Variants in LMX1A observed in about 807,000 individuals in gnomAD.
LMX1A encodes LIM homeobox transcription factor 1-alpha.
In LMX1A, 15 loss-of-function variants were observed where a neutral mutation model predicts 49.1. The ratio of observed to expected loss-of-function variants is 0.31; its 90% confidence interval spans 0.20 to 0.47. The LOEUF (loss-of-function observed/expected upper bound fraction) is 0.47, where lower values mean the gene tolerates loss of function less well. Among genes scored for constraint, LMX1A ranks in the 20% least tolerant of loss-of-function variants. The pLI, the probability that LMX1A is intolerant of heterozygous loss-of-function variation, is 1.00. For synonymous variants in LMX1A, 167 were observed against 185.7 expected (o/e 0.90, Z 0.82); for missense variants, 372 against 475.8 (o/e 0.78, Z 2.03).
intron 3 of LMX1A, among the ~76,000 whole-genome samples, chr1:165,316,704 C>G (rs1022168470): frequency 6.6e-6 from 1 of 152,190 alleles, no homozygotes; most frequent in African/African-American, 2.4e-5. Flanking sequence ...TTCCCAGGGG[C>G]ATCCGAGTTA....
intron 3 of LMX1A, among the ~76,000 whole-genome samples, chr1:165,334,069 G>A (rs1655829204): frequency 6.6e-6 from 1 of 152,086 alleles, no homozygotes; most frequent in Non-Finnish European, 1.5e-5. Context: ...ATAGGTGAAG[G>A]GTAGCCTAAT....
At chr1:165,215,139 G>A (rs914601953) in intron 4 of LMX1A, among the ~76,000 whole-genome samples, 9 of 152,024 alleles carry the variant, frequency 5.9e-5, no homozygotes, top group African/African-American at 1.9e-4. Flanking sequence ...GCAAAGCTCC[G>A]TCTCTACTAA....
chr1:165,216,389 C>G (rs915181720), intron 4 of LMX1A, among the ~76,000 whole-genome samples: 2 of 152,176 alleles, frequency 1.3e-5, no homozygotes, highest in African/African-American at 4.8e-5. Flanking sequence ...GCCAGCAATT[C>G]TCTCTGGTGG....
chr1:165,257,755 G>C (rs1479286729), intron 3 of LMX1A, among the ~76,000 whole-genome samples: 1 of 152,192 alleles, frequency 6.6e-6, no homozygotes, highest in Non-Finnish European at 1.5e-5. Context: ...CCCAGAGAGA[G>C]GCTAAGATCT....
chr1:165,244,617 G>A (rs1359887933), intron 4 of LMX1A, among the ~76,000 whole-genome samples: 2 of 152,108 alleles, frequency 1.3e-5, no homozygotes. Flanking sequence ...GCAGAGAGGA[G>A]AAAAAGCAAT....
At chr1:165,214,984 T>C (rs933471706) in intron 4 of LMX1A, among the ~76,000 whole-genome samples, 2 of 152,214 alleles carry the variant, frequency 1.3e-5, no homozygotes, top group Admixed American at 6.5e-5. Flanking sequence ...GTCTGGGGCA[T>C]ACCTGTGTAA....
intron 4 of LMX1A, among the ~76,000 whole-genome samples, chr1:165,229,430 T>C (rs1186731996): frequency 6.6e-6 from 1 of 152,202 alleles, no homozygotes; most frequent in Non-Finnish European, 1.5e-5. Context: ...TTCCCAACTA[T>C]CTCTTTGGCC....
chr1:165,325,020 C>G (rs954068465), intron 3 of LMX1A, among the ~76,000 whole-genome samples: 1 of 152,178 alleles, frequency 6.6e-6, no homozygotes, highest in Non-Finnish European at 1.5e-5. Flanking sequence ...AAATGTCTCT[C>G]CAGGGAGCCC....
In LMX1A at chr1:165,267,681, C is replaced by A. The variant is rs559811387; in HGVS notation, c.264-18041G>T. Among the ~76,000 whole-genome samples the A allele has an allele frequency of 4.6e-5, 7 of 152,146 alleles. No homozygotes were observed. The South Asian group carries it at 1.5e-3, about 32-fold the overall frequency. On this transcript the variant is annotated intron_variant, in intron 3 of 8. Transcript: ENST00000342310. ...GATGACAGAGACTGAGAGGAAGAAA[C>A]CAGGAAGAAAACAGGAAAGTGAAGT... is the stretch of plus-strand genomic sequence containing the variant.
At chr1:165,312,707 C>T (rs1655110428) in intron 3 of LMX1A, among the ~76,000 whole-genome samples, 1 of 152,198 alleles carries the variant, frequency 6.6e-6, no homozygotes, top group Non-Finnish European at 1.5e-5. Context: ...ACTTAATGGC[C>T]CCATGTGTGA....
chr1:165,309,167 C>T (rs963125145), intron 3 of LMX1A, among the ~76,000 whole-genome samples: 4 of 152,042 alleles, frequency 2.6e-5, no homozygotes, highest in African/African-American at 9.7e-5. Flanking sequence ...GTGAATGATG[C>T]TGAGGGCTCG....
At chr1:165,283,878 A>C (rs1436362343) in intron 3 of LMX1A, among the ~76,000 whole-genome samples, 1 of 152,216 alleles carries the variant, frequency 6.6e-6, no homozygotes, top group Non-Finnish European at 1.5e-5. Flanking sequence ...TATGCCATGT[A>C]TCACAAGCCT....
chr1:165,298,019 C>A (rs928504139), intron 3 of LMX1A, among the ~76,000 whole-genome samples: 3 of 152,204 alleles, frequency 2.0e-5, no homozygotes, highest in African/African-American at 7.2e-5. Flanking sequence ...AGACATGTGG[C>A]ATAAAGACAA....
At chr1:165,317,385 C>T (rs991957063) in intron 3 of LMX1A, among the ~76,000 whole-genome samples, 2 of 152,164 alleles carry the variant, frequency 1.3e-5, no homozygotes, top group African/African-American at 4.8e-5. Context: ...TCTAGATTTA[C>T]CCTTCTCTTT....
At chr1:165,300,397 A>C (rs1654745701) in intron 3 of LMX1A, among the ~76,000 whole-genome samples, 1 of 152,176 alleles carries the variant, frequency 6.6e-6, no homozygotes, top group African/African-American at 2.4e-5. Flanking sequence ...GACTCACAAG[A>C]AAATGCCTAA....
At chr1:165,302,304 T>C (rs1654806781) in intron 3 of LMX1A, among the ~76,000 whole-genome samples, 1 of 151,294 alleles carries the variant, frequency 6.6e-6, no homozygotes, top group Non-Finnish European at 1.5e-5. Context: ...ATTAGCCGGG[T>C]GTTGTGGTGC....
chr1:165,355,416 G>A lies in LMX1A; in HGVS notation c.76+68C>T. 4 of 1,497,106 alleles carry A rather than the reference G, an allele frequency of 2.7e-6. No homozygotes were observed. Among genetic ancestry groups the A allele is most frequent in the Non-Finnish European group, 3.7e-6 (4 of 1,080,574 alleles). 92.7% of individuals were successfully genotyped at this position (1,497,106 alleles called of 1,614,324 possible). On this transcript the variant is annotated intron_variant, in intron 2 of 8. Coordinates refer to ENST00000342310, the MANE Select transcript of LMX1A (RefSeq NM_177398.4). The surrounding 1 kb of genome is among the most constrained non-coding windows in gnomAD (Gnocchi z 4.7). ...CCTATCGCGGACCAGGTCCCAGAGA[G>A]CGGGGCTCCAGAGCTCAGCGCCAAG...
At chr1:165,290,014 G>C (rs1320428197) in intron 3 of LMX1A, among the ~76,000 whole-genome samples, 1 of 152,182 alleles carries the variant, frequency 6.6e-6, no homozygotes, top group Non-Finnish European at 1.5e-5. Flanking sequence ...AGGAAACTGA[G>C]GTAGGTGACA....
chr1:165,280,149 G>T (rs1654103726), intron 3 of LMX1A, among the ~76,000 whole-genome samples: 2 of 152,158 alleles, frequency 1.3e-5, no homozygotes, highest in Non-Finnish European at 2.9e-5. Flanking sequence ...TTCGTAAAAT[G>T]TATTCTCAGC....
Sources: allele counts gnomAD v4.1 joint callset (sites outside exome capture counted in the v4.1 genomes callset), GRCh38; gene constraint gnomAD v4.1.1; non-coding constraint Gnocchi (gnomAD v3.1); transcripts MANE v1.5; gene names NCBI Gene and HGNC (gene_info 2026-07-23, HGNC 2026-07-21).